The following RAB3C variants were observed in gnomAD, a reference collection of about 807,000 sequenced individuals.
RAB3C encodes the protein RAB3C, member RAS oncogene family, also known as ras-related protein Rab-3C.
Under a neutral mutation model 26.4 loss-of-function variants are expected in RAB3C, and 17 were observed. That is an observed-to-expected ratio of 0.64 (90% CI 0.44 to 0.97). The LOEUF (loss-of-function observed/expected upper bound fraction) is 0.97. Ranked by LOEUF, RAB3C falls within the 50% of genes least tolerant of loss-of-function variation. The probability of loss-of-function intolerance (pLI) is 0.00; values close to 1 mark genes in which losing one functional copy is unlikely to be tolerated. For missense variants in RAB3C, 242 were observed against 281.9 expected, an observed-to-expected ratio of 0.86 and a Z score of 1.01; for synonymous variants, 91 against 95.9, an observed-to-expected ratio of 0.95 and a Z score of 0.30.
intron 2 of RAB3C, among the ~76,000 whole-genome samples, chr5:58,646,816 C>G (rs1747531920): frequency 6.6e-6 from 1 of 152,180 alleles, no homozygotes; most frequent in African/African-American, 2.4e-5. Context: ...GACCAGTGAT[C>G]AGTCATGGCC....
chr5:58,824,423 A>G (rs1743426902), intron 3 of RAB3C, among the ~76,000 whole-genome samples: 1 of 152,244 alleles, frequency 6.6e-6, no homozygotes, highest in African/African-American at 2.4e-5. Flanking sequence ...ATGCCAGCTC[A>G]TTGTATTATA....
intron 4 of RAB3C, among the ~76,000 whole-genome samples, chr5:58,843,582 G>T (rs891411442): frequency 2.0e-5 from 3 of 152,194 alleles, no homozygotes; most frequent in African/African-American, 7.2e-5. Context: ...CAATATGACA[G>T]AACATTGACT....
At chr5:58,648,691 T>C (rs1290538116) in intron 2 of RAB3C, among the ~76,000 whole-genome samples, 1 of 152,182 alleles carries the variant, frequency 6.6e-6, no homozygotes, top group Non-Finnish European at 1.5e-5. Context: ...GTAAAATAGA[T>C]GCATTAAAAT....
At chr5:58,638,696 CAG>C in intron 2 of RAB3C, among the ~76,000 whole-genome samples, 1 of 152,342 alleles carries the variant, frequency 6.6e-6, no homozygotes, top group East Asian at 1.9e-4. Flanking sequence ...TAGCAGGAAA[CAG>C]ACATTATATG....
intron 2 of RAB3C, among the ~76,000 whole-genome samples, chr5:58,721,988 A>G (rs560396275): frequency 6.6e-6 from 1 of 151,804 alleles, no homozygotes; most frequent in East Asian, 1.9e-4. Context: ...ATTTTGATAC[A>G]TAATGGCTAT....
upstream of RAB3C, chr5:58,582,535 G>A: frequency 6.4e-6 from 2 of 310,152 alleles, no homozygotes; most frequent in Non-Finnish European, 4.7e-6. Flanking sequence ...GCAATTATGC[G>A]GATAAACCAC....
intron 1 of RAB3C, among the ~76,000 whole-genome samples, chr5:58,587,164 T>C (rs746772322): frequency 5.3e-5 from 8 of 152,166 alleles, no homozygotes; most frequent in African/African-American, 1.2e-4. Context: ...AATTCACTTT[T>C]GTAGTATAAG....
intron 2 of RAB3C, among the ~76,000 whole-genome samples, chr5:58,700,869 G>C (rs1554048414): frequency 6.6e-6 from 1 of 152,124 alleles, no homozygotes; most frequent in Non-Finnish European, 1.5e-5. Context: ...AGCCTGGCAA[G>C]AAAAAATGCT....
At chr5:58,762,928 A>G (rs1171881375) in intron 3 of RAB3C, among the ~76,000 whole-genome samples, 1 of 152,188 alleles carries the variant, frequency 6.6e-6, no homozygotes, top group Non-Finnish European at 1.5e-5. Flanking sequence ...AATTTTCTTT[A>G]CTCGTGATAT....
At chr5:58,758,859 T>C (rs1741731816) in intron 3 of RAB3C, among the ~76,000 whole-genome samples, 1 of 152,072 alleles carries the variant, frequency 6.6e-6, no homozygotes, top group African/African-American at 2.4e-5. Context: ...CCTTGGACTT[T>C]TTTTTTTTTG....
intron 3 of RAB3C, among the ~76,000 whole-genome samples, chr5:58,819,073 C>G (rs1743281571): frequency 6.6e-6 from 1 of 152,092 alleles, no homozygotes; most frequent in African/African-American, 2.4e-5. Flanking sequence ...ATGAATTAAG[C>G]TGGATTTGGG....
In RAB3C at chr5:58,735,163, A is replaced by G. The variant is rs140825161; in HGVS notation, c.371+9043A>G. 2.9e-3 allele frequency among the ~76,000 whole-genome samples: 437 copies of G among 152,318 alleles called. 2 individuals are homozygous for G. The highest frequency in any genetic ancestry group is 8.5e-3 in the African/African-American group (355 of 41,580). ...CAGCACTCTACTTGAGGGCTATTTA[A>G]AGCAGCAAAGTCACCTGCAACGAGC... is the stretch of plus-strand genomic sequence containing the variant. On this transcript the variant is annotated intron_variant, in intron 3 of 4. Transcript: ENST00000282878.
chr5:58,718,216 C>T (rs948578083), intron 2 of RAB3C, among the ~76,000 whole-genome samples: 1 of 152,096 alleles, frequency 6.6e-6, no homozygotes, highest in Admixed American at 6.6e-5. Context: ...GATGTCTTCT[C>T]CTGCCTTTGT....
intron 2 of RAB3C, among the ~76,000 whole-genome samples, chr5:58,719,246 T>C (rs922505789): frequency 2.0e-5 from 3 of 152,078 alleles, no homozygotes; most frequent in East Asian, 1.9e-4. Flanking sequence ...GAAATAGATA[T>C]CTAGTTTTTA....
chr5:58,693,214 A>G (rs1171948889), intron 2 of RAB3C, among the ~76,000 whole-genome samples: 2 of 146,434 alleles, frequency 1.4e-5, no homozygotes, highest in African/African-American at 4.9e-5. Flanking sequence ...ATTTAATTAT[A>G]TAAATATAGT....
chr5:58,671,467 T>C (rs1371389516), intron 2 of RAB3C, among the ~76,000 whole-genome samples: 1 of 152,198 alleles, frequency 6.6e-6, no homozygotes, highest in South Asian at 2.1e-4. Context: ...TTACATCAAC[T>C]TGCGTATTTT....
At chr5:58,660,985 C>G (rs1198788954) in intron 2 of RAB3C, among the ~76,000 whole-genome samples, 1 of 146,248 alleles carries the variant, frequency 6.8e-6, no homozygotes, top group East Asian at 2.0e-4. Context: ...AACAGCCTCT[C>G]TCACACAGAG....
chr5:58,729,970 G>A lies in RAB3C; in HGVS notation c.371+3850G>A, dbSNP rs189695585. On this transcript the variant is annotated intron_variant, in intron 3 of 4. Transcript: ENST00000282878. ...AATCTAATATATATTTTGAATAGAT[G>A]ATCTAAAGTACTAAACAGAATTACA... Among the ~76,000 whole-genome samples the A allele has an allele frequency of 2.0e-5, 3 of 148,270 alleles. No homozygotes were observed. The South Asian group carries it at 6.3e-4, about 31-fold the overall frequency.
In RAB3C at chr5:58,858,888, T is replaced by C. The variant is rs923708661; in HGVS notation, c.*7537T>C. 9.2e-5 allele frequency: 14 copies of C among 152,186 alleles called. No individual in the cohort carries two copies. The highest frequency in any genetic ancestry group is 3.4e-4 in the African/African-American group (14 of 41,446). 9.4% of individuals were successfully genotyped at this position (152,186 alleles called of 1,614,324 possible). ...TTGCTTTAATGCCATATTACGGCAG[T>C]TGATTTAGACATTTGCCAGTGCACC... On this transcript the variant is annotated 3_prime_UTR_variant, in exon 5 of 5. Coordinates refer to ENST00000282878, the MANE Select transcript of RAB3C (RefSeq NM_138453.4).
Sources: allele counts gnomAD v4.1 joint callset (sites outside exome capture counted in the v4.1 genomes callset), GRCh38; gene constraint gnomAD v4.1.1; transcripts MANE v1.5; gene names NCBI Gene and HGNC (gene_info 2026-07-23, HGNC 2026-07-21).